GTF2F2: variants seen among roughly 807,000 people sequenced by gnomAD.
GTF2F2 encodes the protein ATP-dependent helicase GTF2F2.
Under a neutral mutation model 42.2 loss-of-function variants are expected in GTF2F2, and 23 were observed. The ratio of observed to expected loss-of-function variants is 0.55; its 90% CI spans 0.39 to 0.77. The LOEUF is 0.77. Among genes scored for constraint, GTF2F2 ranks in the 30% least tolerant of loss-of-function variants. The probability of loss-of-function intolerance (pLI) is 0.00; values close to 1 mark genes in which losing one functional copy is unlikely to be tolerated. For missense variants in GTF2F2, 261 were observed against 287.2 expected, an observed-to-expected ratio of 0.91 and a Z score of 0.66; for synonymous variants, 105 against 100.8, an observed-to-expected ratio of 1.04 and a Z score of -0.25.
chr13:45,166,035 A>G lies in GTF2F2; in HGVS notation c.304+14204A>G, dbSNP rs1566120350. Among the ~76,000 whole-genome samples the G allele has an allele frequency of 2.0e-5, 3 of 151,902 alleles. No individual in the cohort carries two copies. The South Asian group carries it at 6.2e-4, about 32-fold the overall frequency. On this transcript the variant is annotated intron_variant, in intron 4 of 7. Transcript: ENST00000340473. ...CACCATGTTGGCCAGGCTTGTCTCC[A>G]ACTCCTGACCTCAGGTGATCTGCCA...
At chr13:45,235,020 G>T (rs1479580553) in intron 5 of GTF2F2, among the ~76,000 whole-genome samples, 1 of 129,232 alleles carries the variant, frequency 7.7e-6, no homozygotes, top group East Asian at 2.3e-4. Flanking sequence ...ACTCCAGCCT[G>T]GGCAACAAGA....
At chr13:45,250,675 G>A (rs6561212) in intron 5 of GTF2F2, among the ~76,000 whole-genome samples, 15,826 of 152,052 alleles carry the variant, frequency 0.1, 2,220 homozygotes, top group African/African-American at 0.32. Flanking sequence ...ACAGGAGAAT[G>A]GTAAGGAGAA....
chr13:45,256,688 A>G (rs551692148), intron 6 of GTF2F2, among the ~76,000 whole-genome samples: 4 of 152,274 alleles, frequency 2.6e-5, no homozygotes, highest in African/African-American at 9.6e-5. Context: ...AGAGTATAAC[A>G]TTTTTGTTAT....
At chr13:45,124,620 A>T (rs1000830466) in intron 1 of GTF2F2, among the ~76,000 whole-genome samples, 2 of 151,842 alleles carry the variant, frequency 1.3e-5, no homozygotes, top group Non-Finnish European at 2.9e-5. Context: ...GCTGGTGTGC[A>T]ATGGCACAAT....
intron 4 of GTF2F2, among the ~76,000 whole-genome samples, chr13:45,152,826 A>G (rs565777686): frequency 2.0e-5 from 3 of 152,318 alleles, no homozygotes; most frequent in South Asian, 4.1e-4. Flanking sequence ...AGTTTAGAAT[A>G]CTATTAAAGC....
chr13:45,262,339 AC>A (rs1262811658), intron 6 of GTF2F2, among the ~76,000 whole-genome samples: 5 of 152,254 alleles, frequency 3.3e-5, no homozygotes, highest in African/African-American at 7.2e-5. Context: ...ACACCACTGC[AC>A]TCTAGTCTGG....
At chr13:45,159,956 C>G (rs1302054103) in intron 4 of GTF2F2, among the ~76,000 whole-genome samples, 1 of 152,116 alleles carries the variant, frequency 6.6e-6, no homozygotes, top group African/African-American at 2.4e-5. Flanking sequence ...TTTCTTGTCA[C>G]TGGTTTAAAA....
intron 1 of GTF2F2, among the ~76,000 whole-genome samples, chr13:45,121,890 T>TG (rs1321065344): frequency 6.6e-6 from 1 of 151,096 alleles, no homozygotes; most frequent in Non-Finnish European, 1.5e-5. Context: ...GCATGTTACT[T>TG]GGGGGGAGAG....
intron 3 of GTF2F2, among the ~76,000 whole-genome samples, chr13:45,150,481 CTTCAT>C (rs1282628307): frequency 6.6e-6 from 1 of 152,016 alleles, no homozygotes; most frequent in Non-Finnish European, 1.5e-5. Flanking sequence ...AAATAGTTCA[CTTCAT>C]CCCCCCCATC....
At chr13:45,180,227 A>T (rs1872084018) in intron 4 of GTF2F2, among the ~76,000 whole-genome samples, 1 of 152,054 alleles carries the variant, frequency 6.6e-6, no homozygotes, top group Admixed American at 6.6e-5. Flanking sequence ...GCTTTTGATC[A>T]TGTCATCTTA....
chr13:45,138,643 T>A (rs1869758098), intron 2 of GTF2F2, among the ~76,000 whole-genome samples: 2 of 152,092 alleles, frequency 1.3e-5, no homozygotes, highest in Non-Finnish European at 1.5e-5. Context: ...TGAGTGAAGA[T>A]CAGTATTATT....
chr13:45,149,475 A>G (rs1870374152), intron 2 of GTF2F2, among the ~76,000 whole-genome samples: 1 of 152,004 alleles, frequency 6.6e-6, no homozygotes, highest in Non-Finnish European at 1.5e-5. Flanking sequence ...GTAAAAAAGA[A>G]AAAAGAATTG....
chr13:45,187,541 C>A (rs2138164234), intron 4 of GTF2F2, among the ~76,000 whole-genome samples: 1 of 152,250 alleles, frequency 6.6e-6, no homozygotes, highest in East Asian at 1.9e-4. Flanking sequence ...ATTTTTTTAG[C>A]CATATTTTAG....
chr13:45,151,627 T>C (rs1359220505), intron 3 of GTF2F2, 60 bp from the exon 4 acceptor site: 1 of 1,037,532 alleles, frequency 9.6e-7, no homozygotes, highest in East Asian at 2.8e-5. Context: ...AACAAAAATT[T>C]ATATATATAT....
At chr13:45,189,418 A>C (rs1215651777) in intron 4 of GTF2F2, among the ~76,000 whole-genome samples, 1 of 152,248 alleles carries the variant, frequency 6.6e-6, no homozygotes, top group African/African-American at 2.4e-5. Context: ...GTATGTACCC[A>C]GTAATGGGAT....
chr13:45,230,805 A>T (rs977677900), intron 5 of GTF2F2, among the ~76,000 whole-genome samples: 1 of 152,224 alleles, frequency 6.6e-6, no homozygotes, highest in Admixed American at 6.5e-5. Context: ...AAATGTAAGA[A>T]TATCTTTTGT....
chr13:45,252,842 T>G (rs763118914), intron 5 of GTF2F2, 29 bp from the exon 6 acceptor site: 2 of 860,104 alleles, frequency 2.3e-6, no homozygotes, highest in Non-Finnish European at 3.7e-6. Flanking sequence ...TAAACAAGAG[T>G]GTTAATAATG....
At chr13:45,120,754 C>T in intron 1 of GTF2F2, 33 bp downstream of exon 1, 6 of 1,469,128 alleles carry the variant, frequency 4.1e-6, no homozygotes, top group East Asian at 2.5e-5. Flanking sequence ...TTGCGCTCCT[C>T]CTAACACAAG....
chr13:45,129,785 A>G (rs920123086), intron 1 of GTF2F2, among the ~76,000 whole-genome samples: 5 of 152,356 alleles, frequency 3.3e-5, no homozygotes, highest in Admixed American at 3.3e-4. Context: ...ATAAACAAAT[A>G]CATTTAAAGC....
Sources: gnomAD v4.1 joint callset for allele counts (sites outside exome capture counted in the v4.1 genomes callset) on GRCh38, gnomAD v4.1.1 for gene constraint, MANE v1.5 for transcripts, NCBI Gene and HGNC (gene_info 2026-07-23, HGNC 2026-07-21) for gene names.